Variants in GNPTG observed in about 807,000 individuals in gnomAD.
GNPTG encodes the protein N-acetylglucosamine-1-phosphotransferase subunit gamma.
In GNPTG, 46 loss-of-function variants were observed where a neutral mutation model predicts 43.8. The ratio of observed to expected loss-of-function variants is 1.05; its 90% CI spans 0.83 to 1.34. The LOEUF is 1.34. Ranked by LOEUF, GNPTG falls within the 40% of genes most tolerant of loss-of-function variation. The pLI is 0.00. For missense variants in GNPTG, 549 were observed against 411.3 expected, an observed-to-expected ratio of 1.33 and a Z score of -2.90; for synonymous variants, 250 against 172.8, an observed-to-expected ratio of 1.45 and a Z score of -3.50.
chr16:1,360,114 A>C (rs1429142294), intron 3 of GNPTG, among the ~76,000 whole-genome samples: 3 of 152,142 alleles, frequency 2.0e-5, no homozygotes, highest in Admixed American at 6.5e-5. Flanking sequence ...CTCAAAAAAA[A>C]AAAAGTGGCG....
Position 1,362,293 on chromosome 16 carries a change from C to A in GNPTG, c.499C>A (p.Leu167Ile), listed in dbSNP as rs764053747. 1 of 1,613,290 alleles carries A rather than the reference C, an allele frequency of 6.2e-7. No individual in the cohort carries two copies. Among genetic ancestry groups the A allele is most frequent in the Non-Finnish European group, 8.5e-7 (1 of 1,179,964 alleles). Residue 167 changes from leucine (L) to isoleucine (I), a missense_variant, in exon 7 of 11, where the codon CTC (leucine) becomes ATC (isoleucine). Coordinates refer to ENST00000204679, the MANE Select transcript of GNPTG (RefSeq NM_032520.5). Reference sequence around the variant, plus strand: ...CTACGCGCTGACGTTCGAGACCCCCCTCGTCTGCCACCCCCACGCCTTGCT... The same window carrying A: ...CTACGCGCTGACGTTCGAGACCCCCATCGTCTGCCACCCCCACGCCTTGCT... ...CVYALTFETPLVCHPHALLVY... is the reference protein window; with the variant it reads ...CVYALTFETPIVCHPHALLVY...
At chr16:1,362,155 G>C (rs1293925377) in intron 6 of GNPTG, 24 bp downstream of exon 6, 60 of 1,612,738 alleles carry the variant, frequency 3.7e-5, no homozygotes, top group Non-Finnish European at 4.7e-5. Context: ...CGGGAGCCCG[G>C]GAAGAGGGGC....
intron 3 of GNPTG, among the ~76,000 whole-genome samples, chr16:1,357,513 G>A (rs1180385642): frequency 7.1e-6 from 1 of 140,828 alleles, no homozygotes; most frequent in Non-Finnish European, 1.6e-5. Context: ...TATTATTAGA[G>A]CCGAGTGTCG....
At chr16:1,352,437 T>TG in intron 3 of GNPTG, 131 bp downstream of exon 3, 1 of 911,668 alleles carries the variant, frequency 1.1e-6, no homozygotes, top group South Asian at 1.4e-5. Context: ...CTAAAATTAA[T>TG]GTGGAAGTAC....
chr16:1,361,382 A>C (rs565187240), intron 3 of GNPTG: 123 of 305,566 alleles, frequency 4.0e-4, no homozygotes, highest in African/African-American at 2.4e-3. Context: ...CGGTGGCTCA[A>C]ACCTGTAATC....
intron 7 of GNPTG, 57 bp downstream of exon 7, chr16:1,362,377 T>C: frequency 3.1e-6 from 5 of 1,608,852 alleles, no homozygotes; most frequent in Non-Finnish European, 4.3e-6. Context: ...GCAGCCCTGC[T>C]GGAGGCCCTG....
intron 3 of GNPTG, among the ~76,000 whole-genome samples, chr16:1,354,652 C>T (rs1276935486): frequency 2.0e-5 from 3 of 150,562 alleles, no homozygotes; most frequent in Non-Finnish European, 4.4e-5. Flanking sequence ...AGTTTTCCCA[C>T]CCCCATCCCC....
At chr16:1,362,558 C>T (rs781057196) in intron 8 of GNPTG, 24 bp downstream of exon 8, 2 of 1,614,174 alleles carry the variant, frequency 1.2e-6, no homozygotes, top group South Asian at 2.2e-5. Context: ...CGGGGTGGCC[C>T]CTGGTGGGCC....
chr16:1,356,698 TCA>T (rs756520399), intron 3 of GNPTG, among the ~76,000 whole-genome samples: 38 of 152,282 alleles, frequency 2.5e-4, no homozygotes, highest in South Asian at 1.0e-3. Flanking sequence ...CCCGCTGCCC[TCA>T]CACAGTCCTG....
chr16:1,363,038 GC>G lies in GNPTG; in HGVS notation c.867del (p.Lys290SerfsTer44). ...GCACTTGGGCCACGAGACGCCCAGAGCCAAGTCTCCAGAGCAGCTGCGGGGT... is the reference window on the plus strand; with the variant it reads ...GCACTTGGGCCACGAGACGCCCAGAGCAAGTCTCCAGAGCAGCTGCGGGGT... ...LEHLGHETPR[A>X]KSPEQLRGDP... On this transcript the variant is annotated frameshift_variant, in exon 11 of 11. Transcript: ENST00000204679. LOFTEE classifies it low-confidence loss of function (END_TRUNC). The G allele has an allele frequency of 6.8e-6, 11 of 1,614,066 alleles. No homozygotes were observed. The highest frequency in any genetic ancestry group is 9.3e-6 in the Non-Finnish European group (11 of 1,180,030).
rs1351260792 is a variant in GNPTG at position 1,363,061 on chromosome 16, G to A, written c.888G>A (p.Arg296=). Reference sequence around the variant, plus strand: ...GAGCCAAGTCTCCAGAGCAGCTGCGGGGTGACCCAGGACTGCGTGGGAGTT... The same window carrying A: ...GAGCCAAGTCTCCAGAGCAGCTGCGAGGTGACCCAGGACTGCGTGGGAGTT... ...TPRAKSPEQL[R]GDPGLRGSL The change falls in exon 11 of 11, where the codon CGG becomes CGA. Residue 296 remains arginine (R), a synonymous_variant. Coordinates refer to ENST00000204679, the MANE Select transcript of GNPTG (RefSeq NM_032520.5). 2 of 1,614,024 alleles carry A rather than the reference G, an allele frequency of 1.2e-6. No homozygotes were observed. Among genetic ancestry groups the A allele is most frequent in the Non-Finnish European group, 1.7e-6 (2 of 1,180,028 alleles).
chr16:1,362,071 C>A lies in GNPTG; in HGVS notation c.351C>A (p.Thr117=). 1 of 1,612,506 alleles carries A rather than the reference C, an allele frequency of 6.2e-7. No individual in the cohort carries two copies. The change falls in exon 6 of 11, where the codon ACC becomes ACA. Residue 117 remains threonine, a synonymous_variant. Coordinates refer to ENST00000204679, the MANE Select transcript of GNPTG (RefSeq NM_032520.5). ...IWHEWEIANN[T]FTGMWMRDGD... is the part of the protein sequence containing the mutation. ...ACGAGTGGGAGATCGCCAACAACAC[C>A]TTCACGGGCATGTGGATGAGGGACG... is the stretch of plus-strand genomic sequence containing the variant.
In GNPTG at chr16:1,362,591, C is replaced by T. The variant is rs376709253; in HGVS notation, c.610-20C>T. 4 of 1,614,174 alleles carry T rather than the reference C, an allele frequency of 2.5e-6. No individual in the cohort carries two copies. Among genetic ancestry groups the T allele is most frequent in the Non-Finnish European group, 2.5e-6 (3 of 1,180,026 alleles). ...GCCTGGCTGGGAGCTGGGTGCTGCC[C>T]CTGCATCCTCCACCTTCAGGGCCAT... On this transcript the variant is annotated intron_variant, in intron 8 of 10. Transcript: ENST00000204679.
Position 1,363,877 on chromosome 16 carries a change from C to G in GNPTG, c.*786C>G, listed in dbSNP as rs1176490869. 1 of 152,542 alleles carries G rather than the reference C, an allele frequency of 6.6e-6. No individual in the cohort carries two copies. The highest frequency in any genetic ancestry group is 1.5e-5 in the Non-Finnish European group (1 of 68,318). The allele number at this position is 152,542 out of a possible 1,614,324, so 9.4% of individuals were successfully genotyped here. ...CCTCCATCTCCCAGCTGTCCCCCCA[C>G]CCCTGGGGCTCCCCAGCTCTACCAC... On this transcript the variant is annotated 3_prime_UTR_variant, in exon 11 of 11. Transcript: ENST00000204679.
chr16:1,362,598 C>G lies in GNPTG; in HGVS notation c.610-13C>G, dbSNP rs1306071290. ...TGGGAGCTGGGTGCTGCCCCTGCAT[C>G]CTCCACCTTCAGGGCCATGAGAAGT... On this transcript the variant is annotated splice_polypyrimidine_tract_variant and intron_variant, in intron 8 of 10. Coordinates refer to ENST00000204679, the MANE Select transcript of GNPTG (RefSeq NM_032520.5). The G allele has an allele frequency of 6.2e-7, 1 of 1,614,180 alleles. No individual in the cohort carries two copies. Among genetic ancestry groups the G allele is most frequent in the Non-Finnish European group, 8.5e-7 (1 of 1,180,040 alleles).
At position 1,351,957 on chromosome 16, in the gene GNPTG, T is replaced by G; in HGVS notation, c.-9T>G. The G allele has an allele frequency of 7.7e-7, 1 of 1,292,054 alleles. No homozygotes were observed. The highest frequency in any genetic ancestry group is 9.8e-7 in the Non-Finnish European group (1 of 1,025,546). 80.0% of individuals were successfully genotyped at this position (1,292,054 alleles called of 1,614,324 possible). A position where few individuals can be genotyped will look rare whatever the true frequency, so the allele number is the denominator to read the frequency against. On this transcript the variant is annotated 5_prime_UTR_variant, in exon 1 of 11. Transcript: ENST00000204679. ...CTTCACGTGACCGCGCGGCGGCCGC[T>G]GCGGCGCGATGGCGGCGGGGCTGGC...
chr16:1,361,678 T>C lies in GNPTG; in HGVS notation c.179-65T>C, dbSNP rs1227905515. ...GAAAACTGGTCCTTTGAAAACAGAC[T>C]CTGCCAGTCTTTGCAGACAGGTTCT... On this transcript the variant is annotated intron_variant, in intron 3 of 10. Coordinates refer to ENST00000204679, the MANE Select transcript of GNPTG (RefSeq NM_032520.5). 6.2e-5 allele frequency: 97 copies of C among 1,558,614 alleles called. No homozygotes were observed. The Admixed American group carries it at 1.6e-3, about 26-fold the overall frequency.
In GNPTG at chr16:1,362,104, C is replaced by G; in HGVS notation, c.384C>G (p.Ala128=). Residue 128 remains alanine, a synonymous_variant, in exon 6 of 11, where the codon GCC becomes GCG. Coordinates refer to ENST00000204679, the MANE Select transcript of GNPTG (RefSeq NM_032520.5). ...GCATGTGGATGAGGGACGGTGACGC[C>G]TGCCGTTCCCGGAGCCGGCAGAGCA... ...FTGMWMRDGD[A]CRSRSRQSKV... is the part of the protein sequence containing the mutation. The G allele has an allele frequency of 1.2e-6, 2 of 1,612,360 alleles. No individual in the cohort carries two copies. Among genetic ancestry groups the G allele is most frequent in the Non-Finnish European group, 1.7e-6 (2 of 1,179,472 alleles).
At chr16:1,360,015 G>A (rs1343643019) in intron 3 of GNPTG, among the ~76,000 whole-genome samples, 4 of 152,058 alleles carry the variant, frequency 2.6e-5, no homozygotes, top group African/African-American at 7.2e-5. Flanking sequence ...AGACTGAGGC[G>A]GGAAAATCGG....
Sources: gnomAD v4.1 joint callset for allele counts (sites outside exome capture counted in the v4.1 genomes callset) on GRCh38, gnomAD v4.1.1 for gene constraint, MANE v1.5 for transcripts, NCBI Gene and HGNC (gene_info 2026-07-23, HGNC 2026-07-21) for gene names.